Variants in CEMIP observed in about 807,000 individuals in gnomAD.
CEMIP encodes cell migration inducing hyaluronidase 1.
A neutral mutation model predicts 156.9 loss-of-function variants in CEMIP; 105 were observed. The ratio of observed to expected loss-of-function variants is 0.67; its 90% CI spans 0.57 to 0.79. The LOEUF is 0.79. Ranked by LOEUF, CEMIP falls within the 30% of genes least tolerant of loss-of-function variation. The pLI, the probability that CEMIP is intolerant of heterozygous loss-of-function variation, is 0.00. For synonymous variants in CEMIP, 676 were observed against 668.4 expected (o/e 1.01, Z -0.17); for missense variants, 1,457 against 1,769.4 (o/e 0.82, Z 3.17).
intron 1 of CEMIP, among the ~76,000 whole-genome samples, chr15:80,817,794 T>C (rs8025605): frequency 0.068 from 10,396 of 151,908 alleles, 1,071 homozygotes; most frequent in African/African-American, 0.23. Context: ...GTTTGGTGCT[T>C]CTGGGTCAAT....
intron 1 of CEMIP, among the ~76,000 whole-genome samples, chr15:80,841,012 T>C (rs547059477): frequency 1.8e-4 from 27 of 152,300 alleles, no homozygotes; most frequent in African/African-American, 6.5e-4. Context: ...TCCTGGAACC[T>C]GGAGCCACGG....
chr15:80,806,101 C>T (rs1205482626), intron 1 of CEMIP, among the ~76,000 whole-genome samples: 1 of 152,132 alleles, frequency 6.6e-6, no homozygotes, highest in Non-Finnish European at 1.5e-5. Flanking sequence ...ATGTAAAATG[C>T]GTTTGTGAGC....
chr15:80,805,715 T>C (rs1262991960), intron 1 of CEMIP, among the ~76,000 whole-genome samples: 3 of 152,222 alleles, frequency 2.0e-5, no homozygotes, highest in South Asian at 4.1e-4. Flanking sequence ...ACAAATGATA[T>C]GCAAACAAAA....
chr15:80,878,824 C>T lies in CEMIP; in HGVS notation c.198C>T (p.Leu66=), dbSNP rs750194023. The T allele has an allele frequency of 4.3e-6, 7 of 1,614,212 alleles. No individual in the cohort carries two copies. The South Asian group carries it at 4.4e-5, about 10-fold the overall frequency. ...TCGGCCAGGGCAAGACACTGCTGCT[C>T]ACCTCTTCTGCCACGGTCTATTCCA... ...VHIGQGKTLL[L]TSSATVYSIH... is the part of the protein sequence containing the mutation. Residue 66 remains leucine, a synonymous_variant, in exon 4 of 30, where the codon CTC becomes CTT. Coordinates refer to ENST00000394685, the MANE Select transcript of CEMIP (RefSeq NM_001293298.2).
chr15:80,897,437 G>A, intron 12 of CEMIP: 5 of 435,554 alleles, frequency 1.1e-5, no homozygotes, highest in South Asian at 8.2e-5. Context: ...GTCATGTGGT[G>A]GAGGCAGTCC....
intron 1 of CEMIP, among the ~76,000 whole-genome samples, chr15:80,852,141 T>A (rs1199339280): frequency 2.0e-5 from 3 of 152,202 alleles, no homozygotes; most frequent in African/African-American, 7.2e-5. Flanking sequence ...TGGAACTGTT[T>A]GTTCCTTGGA....
In CEMIP at chr15:80,948,895, A is replaced by T. The variant is rs774622527; in HGVS notation, c.4057A>T (p.Ile1353Phe). The change falls in exon 30 of 30, where the codon ATC (isoleucine) becomes TTC (phenylalanine). Residue 1353 changes from isoleucine (I) to phenylalanine (F), a missense_variant. This residue lies in a region of CEMIP where 798 missense variants were observed against 980.1 expected (regional missense o/e 0.81). Coordinates refer to ENST00000394685, the MANE Select transcript of CEMIP (RefSeq NM_001293298.2). ...HKAKIFQVVP[I>F]PVVKKKKL ...AGCCAAAATCTTCCAAGTTGTGCCCATCCCTGTGGTGAAGAAGAAGAAGTT... is the reference window on the plus strand; with the variant it reads ...AGCCAAAATCTTCCAAGTTGTGCCCTTCCCTGTGGTGAAGAAGAAGAAGTT... The T allele has an allele frequency of 3.7e-6, 6 of 1,614,068 alleles. No homozygotes were observed. The highest frequency in any genetic ancestry group is 5.1e-6 in the Non-Finnish European group (6 of 1,180,030).
intron 21 of CEMIP, 22 bp downstream of exon 21, chr15:80,929,196 T>C: frequency 6.2e-7 from 1 of 1,614,114 alleles, no homozygotes; most frequent in Non-Finnish European, 8.5e-7. Flanking sequence ...ACCATGTAGC[T>C]CCTTATTCTG....
Position 80,900,628 on chromosome 15 carries a change from GTGTGTGTGTGTGTGTGTGTGTC to G in CEMIP, c.1411+4580_1411+4601del, listed in dbSNP as rs1567090861. Among the ~76,000 whole-genome samples the G allele has an allele frequency of 3.7e-3, 503 of 136,656 alleles. 4 individuals carry two copies. Among genetic ancestry groups the G allele is most frequent in the Middle Eastern group, 7.8e-3 (2 of 258 alleles). The allele number at this position is 136,656 out of a possible 152,430, so 89.7% of individuals were successfully genotyped here. ...TGTGTGTGTGTGTGTGTGTGTGTGTGTGTGTGTGTGTGTGTGTGTGTCTGTGTGTGTGTCTGTGTGTGTGTGT... is the reference window on the plus strand; with the variant it reads ...TGTGTGTGTGTGTGTGTGTGTGTGTGTGTGTGTGTGTCTGTGTGTGTGTGT... On this transcript the variant is annotated intron_variant, in intron 12 of 29. Coordinates refer to ENST00000394685, the MANE Select transcript of CEMIP (RefSeq NM_001293298.2).
chr15:80,891,206 C>A (rs1010624706), intron 10 of CEMIP, among the ~76,000 whole-genome samples: 19 of 152,196 alleles, frequency 1.2e-4, no homozygotes, highest in Non-Finnish European at 2.8e-4. Flanking sequence ...GTTTGCTCTG[C>A]CAGTTTTCTG....
intron 19 of CEMIP, among the ~76,000 whole-genome samples, chr15:80,927,481 T>C (rs1265115748): frequency 6.6e-6 from 1 of 152,206 alleles, no homozygotes; most frequent in African/African-American, 2.4e-5. Flanking sequence ...TGCAATATCC[T>C]AAGTTCGGTA....
intron 7 of CEMIP, 26 bp downstream of exon 7, chr15:80,884,380 C>A (rs35343835): frequency 1.9e-6 from 3 of 1,612,376 alleles, no homozygotes; most frequent in African/African-American, 1.3e-5. Flanking sequence ...TCGGCTTCCA[C>A]TGGGCTCTGG....
Position 80,902,505 on chromosome 15 carries a change from T to C in CEMIP, c.1412-4158T>C, listed in dbSNP as rs144281570. Among the ~76,000 whole-genome samples, 577 of 151,810 alleles carry C rather than the reference T, an allele frequency of 3.8e-3. 4 individuals carry two copies. The highest frequency in any genetic ancestry group is 6.8e-3 in the Non-Finnish European group (461 of 67,928). On this transcript the variant is annotated intron_variant, in intron 12 of 29. Coordinates refer to ENST00000394685, the MANE Select transcript of CEMIP (RefSeq NM_001293298.2). ...CATCTCTCGGATAGCAGCCTGGGAG[T>C]GGCCAGTGAAGGCGGCAGCAGGACA...
rs150359967 is a variant in CEMIP at position 80,848,386 on chromosome 15, G to A, written c.-175-25152G>A. 1.1e-3 allele frequency among the ~76,000 whole-genome samples: 170 copies of A among 152,244 alleles called. 2 individuals carry two copies. The highest frequency in any genetic ancestry group is 3.7e-3 in the East Asian group (19 of 5,180). Reference sequence around the variant, plus strand: ...TTCCTGTTCCATGCTCTGACACCTCGGGTTGGCCTCAGACAATCTACTCAA... The same window carrying A: ...TTCCTGTTCCATGCTCTGACACCTCAGGTTGGCCTCAGACAATCTACTCAA... On this transcript the variant is annotated intron_variant, in intron 1 of 29. Coordinates refer to ENST00000394685, the MANE Select transcript of CEMIP (RefSeq NM_001293298.2).
chr15:80,934,732 G>A (rs1484830289), intron 23 of CEMIP, among the ~76,000 whole-genome samples: 1 of 152,186 alleles, frequency 6.6e-6, no homozygotes, highest in East Asian at 1.9e-4. Flanking sequence ...AAGGGGCAAA[G>A]AGGGCACAGG....
At chr15:80,900,515 C>A (rs1899436186) in intron 12 of CEMIP, among the ~76,000 whole-genome samples, 1 of 151,280 alleles carries the variant, frequency 6.6e-6, no homozygotes, top group Admixed American at 6.6e-5. Flanking sequence ...CTTTGCCCTG[C>A]CGAGGAGCTG....
intron 1 of CEMIP, among the ~76,000 whole-genome samples, chr15:80,817,138 AATT>A (rs1896803067): frequency 6.6e-6 from 1 of 152,154 alleles, no homozygotes; most frequent in African/African-American, 2.4e-5. Context: ...TGGCTGATGT[AATT>A]ATTATGATTA....
chr15:80,903,362 T>C (rs1004013104), intron 12 of CEMIP, among the ~76,000 whole-genome samples: 1 of 152,034 alleles, frequency 6.6e-6, no homozygotes, highest in Non-Finnish European at 1.5e-5. Flanking sequence ...AAGACTAACA[T>C]TGAGTGTGGT....
rs755707756 is a variant in CEMIP, at chr15:80,875,021, A to ATTTTTTT, written c.94+1072_94+1078dup. ...ATCCTTAGGGGACATAGCAAGTAGCATTTTTTTTTTTTTTTTTTTTTTTTT... is the reference window on the plus strand; with the variant it reads ...ATCCTTAGGGGACATAGCAAGTAGCATTTTTTTTTTTTTTTTTTTTTTTTTTTTTTTT... On this transcript the variant is annotated intron_variant, in intron 3 of 29. Coordinates refer to ENST00000394685, the MANE Select transcript of CEMIP (RefSeq NM_001293298.2). Among the ~76,000 whole-genome samples, 5 of 64,960 alleles carry ATTTTTTT rather than the reference A, an allele frequency of 7.7e-5. 1 individual carries two copies. The highest frequency in any genetic ancestry group is 2.2e-4 in the Admixed American group (1 of 4,626). 42.6% of individuals were successfully genotyped at this position (64,960 alleles called of 152,430 possible).
Sources: gnomAD v4.1 joint callset for allele counts (sites outside exome capture counted in the v4.1 genomes callset) on GRCh38, gnomAD v4.1.1 for gene constraint, gnomAD v4.1.1 regional missense constraint, MANE v1.5 for transcripts, NCBI Gene and HGNC (gene_info 2026-07-23, HGNC 2026-07-21) for gene names.